Variants in WSCD1 observed in about 807,000 individuals in gnomAD.
WSCD1 encodes the protein sialate:O-sulfotransferase 1.
Under a neutral mutation model 60.4 loss-of-function variants are expected in WSCD1, and 41 were observed. The observed-to-expected ratio is 0.68, with a 90% CI of 0.53 to 0.88. The LOEUF (loss-of-function observed/expected upper bound fraction) is 0.88. Ranked by LOEUF, WSCD1 falls within the 40% of genes least tolerant of loss-of-function variation. WSCD1 has a pLI of 0.00. For synonymous variants in WSCD1, 361 were observed against 332.5 expected, an observed-to-expected ratio of 1.09 and a Z score of -0.93; for missense variants, 784 against 796.2, an observed-to-expected ratio of 0.98 and a Z score of 0.18.
intron 5 of WSCD1, among the ~76,000 whole-genome samples, chr17:6,109,181 G>A (rs34801843): frequency 0.059 from 8,977 of 152,210 alleles, 338 homozygotes; most frequent in African/African-American, 0.11. Context: ...CCCGCTCTGT[G>A]CCATGCAGAC....
chr17:6,091,059 GT>G (rs1233407757), intron 4 of WSCD1, among the ~76,000 whole-genome samples: 2 of 151,846 alleles, frequency 1.3e-5, no homozygotes, highest in African/African-American at 4.8e-5. Flanking sequence ...CCCGGCTAAT[GT>G]TTTTTGTATT....
intron 4 of WSCD1, among the ~76,000 whole-genome samples, chr17:6,092,573 C>G (rs1910128437): frequency 6.6e-6 from 1 of 152,218 alleles, no homozygotes; most frequent in Admixed American, 6.5e-5. Flanking sequence ...GGGCACAGTC[C>G]TATCCTGTCA....
In WSCD1 at chr17:6,110,589, G is replaced by A. The variant is rs901405693; in HGVS notation, c.1010-182G>A. Among the ~76,000 whole-genome samples the A allele has an allele frequency of 6.6e-6, 1 of 152,052 alleles. No homozygotes were observed. Among genetic ancestry groups the A allele is most frequent in the Admixed American group, 6.5e-5 (1 of 15,276 alleles). ...GCAGGCCTCATTACGGGGCTTTCTC[G>A]GACTGGCCACAGACCTGTGCAGCTA... On this transcript the variant is annotated intron_variant, in intron 6 of 8. Transcript: ENST00000317744. The surrounding 1 kb of genome is among the most constrained non-coding windows in gnomAD (Gnocchi z 4.8).
At chr17:6,069,388 T>TGA, upstream of WSCD1, 2 of 378,084 alleles carry the variant, frequency 5.3e-6, no homozygotes, top group Non-Finnish European at 9.0e-6. Flanking sequence ...TCCACCTCGG[T>TGA]GCGTGTGTGT....
Position 6,075,323 on chromosome 17 carries a change from C to A in WSCD1, c.-289+4671C>A, listed in dbSNP as rs111819477. ...GGGGAGGTTGAGTCATCTGACTGAA[C>A]CCCAGTGGCCACTGGCTGCACCTGG... On this transcript the variant is annotated intron_variant, in intron 1 of 8. Coordinates refer to ENST00000317744, the MANE Select transcript of WSCD1 (RefSeq NM_015253.2). The surrounding 1 kb of genome is among the most constrained non-coding windows in gnomAD (Gnocchi z 4.1). Among the ~76,000 whole-genome samples, 1 of 152,108 alleles carries A rather than the reference C, an allele frequency of 6.6e-6. No individual in the cohort carries two copies. The highest frequency in any genetic ancestry group is 2.4e-5 in the African/African-American group (1 of 41,394).
intron 8 of WSCD1, among the ~76,000 whole-genome samples, chr17:6,120,092 G>A (rs187023200): frequency 5.0e-4 from 76 of 152,300 alleles, no homozygotes; most frequent in African/African-American, 1.7e-3. Context: ...GCTGCACAGC[G>A]TCCTCATCCC....
chr17:6,094,711 A>C (rs1256526974), intron 4 of WSCD1, among the ~76,000 whole-genome samples: 1 of 140,554 alleles, frequency 7.1e-6, no homozygotes, highest in Non-Finnish European at 1.5e-5. Context: ...GGGAGAGGGA[A>C]GGAAGGAAGA....
intron 3 of WSCD1, among the ~76,000 whole-genome samples, 181 bp from the exon 4 acceptor site, chr17:6,090,140 A>T (rs1033372274): frequency 6.6e-6 from 1 of 152,234 alleles, no homozygotes; most frequent in Non-Finnish European, 1.5e-5. Flanking sequence ...CGGCACATGT[A>T]TACATATGTA....
At chr17:6,098,537 T>C (rs1910596202) in intron 5 of WSCD1, among the ~76,000 whole-genome samples, 1 of 152,098 alleles carries the variant, frequency 6.6e-6, no homozygotes, top group African/African-American at 2.4e-5. Context: ...ATTGTTTGGG[T>C]CAGAACTACA....
intron 5 of WSCD1, 84 bp downstream of exon 5, chr17:6,095,307 C>T (rs147813016): frequency 3.9e-5 from 58 of 1,468,382 alleles, no homozygotes; most frequent in East Asian, 3.7e-4. Context: ...TGCTGGGCTG[C>T]GGGTGTCCCC....
chr17:6,114,638 TGC>T (rs1338221076), intron 7 of WSCD1, among the ~76,000 whole-genome samples: 5 of 152,144 alleles, frequency 3.3e-5, no homozygotes, highest in South Asian at 4.1e-4. Flanking sequence ...ACACTTATCA[TGC>T]ATCAGTTTAA....
Position 6,090,519 on chromosome 17 carries a change from C to T in WSCD1, c.727+14C>T. The T allele has an allele frequency of 6.2e-7, 1 of 1,611,436 alleles. No individual in the cohort carries two copies. The highest frequency in any genetic ancestry group is 8.5e-7 in the Non-Finnish European group (1 of 1,178,986). ...GCTCCAGGAAGCGTGAGTGTGCCAG[C>T]CTCTTCCTGAGCTTTGTCCGTCTGT... is the stretch of plus-strand genomic sequence containing the variant. On this transcript the variant is annotated intron_variant, in intron 4 of 8. Transcript: ENST00000317744.
chr17:6,114,814 T>C (rs1389106743), intron 7 of WSCD1, among the ~76,000 whole-genome samples: 2 of 151,908 alleles, frequency 1.3e-5, no homozygotes, highest in Non-Finnish European at 2.9e-5. Context: ...ATGCCTTAGG[T>C]ATTTGTCCTA....
intron 5 of WSCD1, among the ~76,000 whole-genome samples, chr17:6,106,514 G>A (rs1264703567): frequency 6.6e-6 from 1 of 152,240 alleles, no homozygotes; most frequent in African/African-American, 2.4e-5. Context: ...CAAAAAACAT[G>A]TGCTGGGTGA....
rs538662543 is a variant in WSCD1 at position 6,106,774 on chromosome 17, A to T, written c.850-2833A>T. Among the ~76,000 whole-genome samples, 60 of 152,270 alleles carry T rather than the reference A, an allele frequency of 3.9e-4. 1 individual carries two copies. Among genetic ancestry groups the T allele is most frequent in the African/African-American group, 1.4e-3 (58 of 41,554 alleles). Reference sequence around the variant, plus strand: ...GTGGTGATGGTGGGAAGGGTTTGCAACTTGAAAAGGGGGTGGCCAGGGAAG... The same window carrying T: ...GTGGTGATGGTGGGAAGGGTTTGCATCTTGAAAAGGGGGTGGCCAGGGAAG... On this transcript the variant is annotated intron_variant, in intron 5 of 8. Transcript: ENST00000317744.
Position 6,080,693 on chromosome 17 carries a change from T to C in WSCD1, c.35T>C (p.Leu12Pro), listed in dbSNP as rs143262830. 7 of 1,613,506 alleles carry C rather than the reference T, an allele frequency of 4.3e-6. No homozygotes were observed. In the African/African-American group the frequency reaches 9.3e-5, roughly 22 times the overall value. The change falls in exon 2 of 9, where the codon CTC (leucine) becomes CCC (proline). Residue 12 changes from leucine to proline, a missense_variant. Physicochemically the swap from Leu to Pro is moderately conservative, Grantham distance 98. Coordinates refer to ENST00000317744, the MANE Select transcript of WSCD1 (RefSeq NM_015253.2). The surrounding 1 kb of genome is among the most constrained non-coding windows in gnomAD (Gnocchi z 6.6). ...AKPFFRLQKF[L>P]RRTQFLLFFL... The stretch of plus-strand genomic sequence containing the variant: ...CCTTTCTTCCGACTCCAGAAGTTTC[T>C]CCGCCGAACACAGTTCCTGCTGTTC...
Position 6,073,686 on chromosome 17 carries a change from C to T in WSCD1, c.-289+3034C>T, listed in dbSNP as rs552116789. On this transcript the variant is annotated intron_variant, in intron 1 of 8. Transcript: ENST00000317744. Reference sequence around the variant, plus strand: ...AGAGATAGGCTGGAAAAGGTTGCGACTGGCTGTTTCAAAAGTGAGAAAGGC... The same window carrying T: ...AGAGATAGGCTGGAAAAGGTTGCGATTGGCTGTTTCAAAAGTGAGAAAGGC... Among the ~76,000 whole-genome samples, 32 of 152,350 alleles carry T rather than the reference C, an allele frequency of 2.1e-4. 1 individual carries two copies. The South Asian group carries it at 6.2e-3, about 30-fold the overall frequency.
At chr17:6,087,939 G>T (rs770351688) in intron 2 of WSCD1, 51 bp from the exon 3 acceptor site, 2 of 1,454,678 alleles carry the variant, frequency 1.4e-6, no homozygotes, top group South Asian at 1.2e-5. Context: ...TCCTAAGGGT[G>T]GGCCCATGAT....
chr17:6,099,581 G>C (rs1358809479), intron 5 of WSCD1, among the ~76,000 whole-genome samples: 1 of 151,808 alleles, frequency 6.6e-6, no homozygotes, highest in Non-Finnish European at 1.5e-5. Context: ...TCTTTTCCTT[G>C]TTACCAGGTG....
Sources: gnomAD v4.1 joint callset for allele counts (sites outside exome capture counted in the v4.1 genomes callset) on GRCh38, gnomAD v4.1.1 for gene constraint, Gnocchi (gnomAD v3.1) non-coding constraint, MANE v1.5 for transcripts, NCBI Gene and HGNC (gene_info 2026-07-23, HGNC 2026-07-21) for gene names.